The following EBF1 variants were observed in gnomAD, a reference collection of about 807,000 sequenced individuals.
EBF1 encodes the protein EBF transcription factor 1.
A neutral mutation model predicts 68.4 loss-of-function variants in EBF1; 10 were observed. The ratio of observed to expected loss-of-function variants is 0.15; its 90% CI spans 0.09 to 0.25. The LOEUF (loss-of-function observed/expected upper bound fraction) is 0.25, where lower values mean the gene tolerates loss of function less well. Among genes scored for constraint, EBF1 ranks in the 10% least tolerant of loss-of-function variants. EBF1 has a pLI of 1.00. For synonymous variants in EBF1, 298 were observed against 299.8 expected (o/e 0.99, Z 0.06); for missense variants, 509 against 794.4 (o/e 0.64, Z 4.32).
At chr5:158,891,370 T>C (rs1801145319) in intron 6 of EBF1, among the ~76,000 whole-genome samples, 1 of 152,190 alleles carries the variant, frequency 6.6e-6, no homozygotes, top group Non-Finnish European at 1.5e-5. Flanking sequence ...CCTTCTCTTA[T>C]GGTAACAAAA....
intron 6 of EBF1, among the ~76,000 whole-genome samples, chr5:158,971,939 A>G (rs971457491): frequency 1.3e-5 from 2 of 152,242 alleles, no homozygotes; most frequent in African/African-American, 4.8e-5. Context: ...AGGGAACCAG[A>G]AGAAGGACAC....
intron 15 of EBF1, among the ~76,000 whole-genome samples, chr5:158,701,073 C>T (rs1476121609): frequency 6.6e-6 from 1 of 152,200 alleles, no homozygotes; most frequent in African/African-American, 2.4e-5. Context: ...CCCAGCATGG[C>T]TCTGCCTCCC....
At chr5:158,979,676 A>G (rs778102547) in intron 6 of EBF1, among the ~76,000 whole-genome samples, 8 of 135,328 alleles carry the variant, frequency 5.9e-5, no homozygotes, top group Non-Finnish European at 1.2e-4. Context: ...TGAAATTTTT[A>G]AGGAAAAAAA....
intron 4 of EBF1, among the ~76,000 whole-genome samples, chr5:159,091,479 T>G (rs1456244551): frequency 6.6e-6 from 1 of 152,226 alleles, no homozygotes; most frequent in Non-Finnish European, 1.5e-5. Context: ...TGCTGAAATA[T>G]GGCCTCTGAC....
At position 158,817,074 on chromosome 5, in the gene EBF1, C is replaced by T. The variant is rs574678443; in HGVS notation, c.778+6102G>A. Among the ~76,000 whole-genome samples the T allele has an allele frequency of 9.2e-5, 14 of 152,230 alleles. No individual in the cohort carries two copies. In the South Asian group the frequency reaches 2.9e-3, roughly 32 times the overall value. Reference sequence around the variant, plus strand: ...TTCGCAATTGCCACCAAGACCATGGCCTGACCAGCCCACTTTGGCCTGCAT... The same window carrying T: ...TTCGCAATTGCCACCAAGACCATGGTCTGACCAGCCCACTTTGGCCTGCAT... On this transcript the variant is annotated intron_variant, in intron 8 of 15. Coordinates refer to ENST00000313708, the MANE Select transcript of EBF1 (RefSeq NM_024007.5).
At chr5:159,070,065 T>C (rs772254440) in intron 6 of EBF1, among the ~76,000 whole-genome samples, 7 of 152,180 alleles carry the variant, frequency 4.6e-5, no homozygotes, top group Non-Finnish European at 8.8e-5. Context: ...TTACCACACA[T>C]AGCCCTTTAC....
In EBF1 at chr5:159,097,021, C is replaced by T; in HGVS notation, c.244G>A (p.Val82Met). The T allele has an allele frequency of 6.2e-7, 1 of 1,614,046 alleles. No homozygotes were observed. The highest frequency in any genetic ancestry group is 8.5e-7 in the Non-Finnish European group (1 of 1,179,988). The change falls in exon 2 of 16, where the codon GTG becomes ATG. Residue 82 changes from valine to methionine, a missense_variant. Physicochemically the swap from Val to Met is conservative, Grantham distance 21. Around this residue, in one of 3 missense-constraint regions of EBF1, gnomAD observed 230 missense variants for 467.7 expected, o/e 0.49. Coordinates refer to ENST00000313708, the MANE Select transcript of EBF1 (RefSeq NM_024007.5). ...LALYDRQGQPVEIERTAFVGF... is the reference protein window; with the variant it reads ...LALYDRQGQPMEIERTAFVGF... ...ACAAACGCTGTCCTCTCGATCTCCA[C>T]GGGCTGGCCCTGTCTGTCGTAGAGG...
rs555336781 is a variant in EBF1 at position 159,098,876 on chromosome 5, GGAAAGAAAAAAA to G, written c.134+457_134+468del. 2.3e-3 allele frequency among the ~76,000 whole-genome samples: 308 copies of G among 135,266 alleles called. 5 individuals are homozygous for G. The highest frequency in any genetic ancestry group is 0.019 in the South Asian group (82 of 4,340). The allele number at this position is 135,266 out of a possible 152,430, so 88.7% of individuals were successfully genotyped here. On this transcript the variant is annotated intron_variant, in intron 1 of 15. Coordinates refer to ENST00000313708, the MANE Select transcript of EBF1 (RefSeq NM_024007.5). ...GAAAGAAAAAGGAAAAAGAAAAGGA[GGAAAGAAAAAAA>G]GAAAGAAAAAGAAAAAAGAAAGAAA...
At chr5:158,856,475 T>G (rs28490241) in intron 6 of EBF1, among the ~76,000 whole-genome samples, 1,889 of 152,336 alleles carry the variant, frequency 0.012, 40 homozygotes, top group African/African-American at 0.043. Context: ...GTGTGGTGAT[T>G]CTTAGCCAAG....
chr5:159,072,908 T>C (rs1326776562), intron 6 of EBF1, among the ~76,000 whole-genome samples: 2 of 152,178 alleles, frequency 1.3e-5, no homozygotes, highest in African/African-American at 4.8e-5. Flanking sequence ...CAAATAACAG[T>C]AGAAAATCTT....
intron 6 of EBF1, among the ~76,000 whole-genome samples, chr5:158,847,805 C>G (rs1791825796): frequency 6.6e-6 from 1 of 152,150 alleles, no homozygotes; most frequent in Non-Finnish European, 1.5e-5. Flanking sequence ...GTTTCCATTA[C>G]AAGGAACCAA....
At chr5:159,003,036 T>C (rs1452179893) in intron 6 of EBF1, among the ~76,000 whole-genome samples, 1 of 152,230 alleles carries the variant, frequency 6.6e-6, no homozygotes, top group African/African-American at 2.4e-5. Context: ...GCCAGATACA[T>C]TTATATATAT....
chr5:158,880,902 T>A (rs909127409), intron 6 of EBF1, among the ~76,000 whole-genome samples: 2 of 152,126 alleles, frequency 1.3e-5, no homozygotes, highest in African/African-American at 4.8e-5. Context: ...AAGGTGGAAA[T>A]GTCATTCACC....
chr5:158,954,661 A>G (rs1561616317), intron 6 of EBF1, among the ~76,000 whole-genome samples: 1 of 152,200 alleles, frequency 6.6e-6, no homozygotes, highest in Non-Finnish European at 1.5e-5. Context: ...TCTGTTACCA[A>G]TGCGGTCAGT....
intron 1 of EBF1, chr5:159,097,667 C>A: frequency 4.3e-6 from 1 of 234,594 alleles, no homozygotes; most frequent in Non-Finnish European, 8.4e-6. Flanking sequence ...CATCCCCCCA[C>A]CACCAAAAAG....
At chr5:159,026,836 T>C (rs1767797387) in intron 6 of EBF1, among the ~76,000 whole-genome samples, 1 of 152,168 alleles carries the variant, frequency 6.6e-6, no homozygotes, top group African/African-American at 2.4e-5. Flanking sequence ...CTTTTTCTGC[T>C]CCTTGCCCTC....
chr5:158,905,495 G>A (rs1804380741), intron 6 of EBF1, among the ~76,000 whole-genome samples: 1 of 152,084 alleles, frequency 6.6e-6, no homozygotes, highest in Non-Finnish European at 1.5e-5. Context: ...GCTTTCCTTG[G>A]CAGAGTCTTT....
At chr5:158,884,209 T>C (rs937469807) in intron 6 of EBF1, among the ~76,000 whole-genome samples, 2 of 152,212 alleles carry the variant, frequency 1.3e-5, no homozygotes, top group African/African-American at 4.8e-5. Context: ...TCAAGTGTCA[T>C]CCATTTCAAT....
chr5:158,847,054 G>A (rs1353100919), intron 6 of EBF1, among the ~76,000 whole-genome samples: 3 of 152,088 alleles, frequency 2.0e-5, no homozygotes, highest in Non-Finnish European at 2.9e-5. Flanking sequence ...CCCTATTCTT[G>A]GCCACTGATT....
Sources: gnomAD v4.1 joint callset for allele counts (sites outside exome capture counted in the v4.1 genomes callset) on GRCh38, gnomAD v4.1.1 for gene constraint, gnomAD v4.1.1 regional missense constraint, MANE v1.5 for transcripts, NCBI Gene and HGNC (gene_info 2026-07-23, HGNC 2026-07-21) for gene names.